The following NKAIN4 variants were observed in gnomAD, a reference collection of about 807,000 sequenced individuals.
The protein encoded by NKAIN4 is sodium/potassium transporting ATPase interacting 4.
NKAIN4 carries 28 observed loss-of-function variants against 28.8 expected under a neutral mutation model. The observed-to-expected ratio is 0.97, with a 90% CI of 0.72 to 1.33. The LOEUF is 1.33. Ranked by LOEUF, NKAIN4 falls within the 40% of genes most tolerant of loss-of-function variation. The pLI is 0.00. For synonymous variants in NKAIN4, 122 were observed against 115.6 expected (o/e 1.06, Z -0.36); for missense variants, 289 against 277.2 (o/e 1.04, Z -0.30).
At chr20:63,249,454 C>T (rs573078618) in intron 2 of NKAIN4, among the ~76,000 whole-genome samples, 3 of 152,174 alleles carry the variant, frequency 2.0e-5, no homozygotes, top group East Asian at 1.9e-4. Context: ...TGGTCTGGAC[C>T]GATGATTTGG....
intron 2 of NKAIN4, chr20:63,249,230 C>A: frequency 2.9e-6 from 1 of 339,310 alleles, no homozygotes; most frequent in Non-Finnish European, 5.7e-6. Context: ...TACACGTGGA[C>A]AGCACAGGCC....
upstream of NKAIN4, chr20:63,254,705 C>A: frequency 3.1e-6 from 1 of 318,954 alleles, no homozygotes; most frequent in Non-Finnish European, 5.7e-6. Flanking sequence ...GATGGCGCGG[C>A]CTCTCGGGTA....
intron 1 of NKAIN4, among the ~76,000 whole-genome samples, chr20:63,251,966 C>T (rs560156733): frequency 1.3e-5 from 2 of 152,238 alleles, no homozygotes; most frequent in South Asian, 2.1e-4. Context: ...TAAGCGAGCC[C>T]CCCAAGGGGA....
chr20:63,241,714 C>T lies in NKAIN4; in HGVS notation c.618-208G>A, dbSNP rs565008148. 187 of 697,674 alleles carry T rather than the reference C, an allele frequency of 2.7e-4. 3 individuals carry two copies. In the South Asian group the frequency reaches 2.7e-3, roughly 10 times the overall value. The allele number at this position is 697,674 out of a possible 1,614,324, so 43.2% of individuals were successfully genotyped here. ...TGTGCCGGCAGGTCAGCGTCTTGTG[C>T]CTGTTTGCTGACATCTCAGTGGGGT... is the stretch of plus-strand genomic sequence containing the variant. On this transcript the variant is annotated intron_variant, in intron 6 of 6. Coordinates refer to ENST00000370316, the MANE Select transcript of NKAIN4 (RefSeq NM_152864.4).
Position 63,245,295 on chromosome 20 carries a change from C to G in NKAIN4, c.472-1211G>C, listed in dbSNP as rs2066835880. On this transcript the variant is annotated intron_variant, in intron 4 of 6. Transcript: ENST00000370316. This position sits in a 1 kb window ranked among gnomAD's most constrained non-coding sequence, Gnocchi z 4.7. ...TTCCATGCCACGGCCAGGGTGGGAG[C>G]AGCGGTGAGGGTGGGCAACCTCCAC... Among the ~76,000 whole-genome samples the G allele has an allele frequency of 6.6e-6, 1 of 152,174 alleles. No homozygotes were observed. The highest frequency in any genetic ancestry group is 2.4e-5 in the African/African-American group (1 of 41,430).
chr20:63,253,134 G>T, intron 1 of NKAIN4: 1 of 882,970 alleles, frequency 1.1e-6, no homozygotes. Context: ...GTCTTCGAGT[G>T]CCCACCCTTG....
chr20:63,253,726 T>G (rs1320444814), intron 1 of NKAIN4, among the ~76,000 whole-genome samples: 2 of 152,082 alleles, frequency 1.3e-5, no homozygotes, highest in East Asian at 3.9e-4. Flanking sequence ...GAATGGAAAC[T>G]TGGCCGAGGG....
chr20:63,253,040 C>T (rs958146616), intron 1 of NKAIN4, among the ~76,000 whole-genome samples: 3 of 152,214 alleles, frequency 2.0e-5, no homozygotes, highest in African/African-American at 2.4e-5. Flanking sequence ...TCATGCATCA[C>T]CAGCTGCCAC....
At chr20:63,250,444 G>T (rs1185622565) in intron 1 of NKAIN4, among the ~76,000 whole-genome samples, 2 of 152,162 alleles carry the variant, frequency 1.3e-5, no homozygotes, top group East Asian at 1.9e-4. Context: ...TCTAAATCAC[G>T]AACTGTGGGG....
Position 63,241,254 on chromosome 20 carries a change from G to GT in NKAIN4, c.*242dup. ...TGGGGTTTTGCCTTTTCTTTTGTAT[G>GT]TTTTCTTTTCTTTTTTTTTTTTAAG... On this transcript the variant is annotated 3_prime_UTR_variant, in exon 7 of 7. Transcript: ENST00000370316. The GT allele has an allele frequency of 1.9e-6, 1 of 538,520 alleles. No homozygotes were observed. The allele number at this position is 538,520 out of a possible 1,614,324, so 33.4% of individuals were successfully genotyped here. A position where few individuals can be genotyped will look rare whatever the true frequency, so the allele number is the denominator to read the frequency against.
chr20:63,246,223 C>T (rs752757369), intron 4 of NKAIN4, among the ~76,000 whole-genome samples: 42 of 152,180 alleles, frequency 2.8e-4, no homozygotes, highest in Non-Finnish European at 4.1e-4. Flanking sequence ...CCACCGCACC[C>T]AGCCTAGCTT....
intron 6 of NKAIN4, chr20:63,241,771 C>T: frequency 3.0e-6 from 2 of 656,610 alleles, no homozygotes; most frequent in Non-Finnish European, 5.7e-6. Context: ...GGAGAGGGGG[C>T]TCACCCAGGG....
rs987782647 is a variant in NKAIN4 at position 63,247,745 on chromosome 20, G to C, written c.304C>G (p.Arg102Gly). ...CGCTCACGCCACCAGGAGCGATGCCGGGAGAGGCTGAAGGTCAGTAGCTCG... is the reference window on the plus strand; with the variant it reads ...CGCTCACGCCACCAGGAGCGATGCCCGGAGAGGCTGAAGGTCAGTAGCTCG... ...DSELLTFSLS[R>G]HRSWWRERWP... Residue 102 changes from arginine to glycine, a missense_variant, in exon 4 of 7, where the codon CGG (arginine) becomes GGG (glycine). Transcript: ENST00000370316. 4 of 1,480,374 alleles carry C rather than the reference G, an allele frequency of 2.7e-6. No individual in the cohort carries two copies. The African/African-American group carries it at 5.6e-5, about 21-fold the overall frequency. 91.7% of individuals were successfully genotyped at this position (1,480,374 alleles called of 1,614,324 possible).
intron 5 of NKAIN4, 136 bp downstream of exon 5, chr20:63,243,888 G>A (rs1462903015): frequency 2.6e-5 from 18 of 696,224 alleles, no homozygotes; most frequent in African/African-American, 7.2e-5. Flanking sequence ...GCCTACGGCC[G>A]TGAGCAAGGC....
At chr20:63,243,802 G>A (rs1371094530) in intron 5 of NKAIN4, 4 of 487,500 alleles carry the variant, frequency 8.2e-6, no homozygotes, top group Non-Finnish European at 1.5e-5. Context: ...TGGACCGGGG[G>A]GCAGCTGACC....
At chr20:63,249,161 C>T (rs8183862) in intron 2 of NKAIN4, 162,541 of 477,412 alleles carry the variant, frequency 0.34, 29,964 homozygotes, top group East Asian at 0.54. Flanking sequence ...GGTCGGCGTA[C>T]GGACACAGCA....
intron 1 of NKAIN4, chr20:63,253,565 C>G: frequency 1.0e-6 from 1 of 968,668 alleles, no homozygotes; most frequent in East Asian, 1.1e-4. Flanking sequence ...CTTTTTAAGA[C>G]GGGAGACCCA....
chr20:63,249,927 G>A lies in NKAIN4; in HGVS notation c.192+8C>T. 6.2e-7 allele frequency: 1 copy of A among 1,611,356 alleles called. No individual in the cohort carries two copies. The highest frequency in any genetic ancestry group is 8.5e-7 in the Non-Finnish European group (1 of 1,178,916). Reference sequence around the variant, plus strand: ...CTGCCCATAAAGAGGGCCGGGCCCAGGACTCACCACCATGACATAGCGCAG... The same window carrying A: ...CTGCCCATAAAGAGGGCCGGGCCCAAGACTCACCACCATGACATAGCGCAG... On this transcript the variant is annotated splice_region_variant and intron_variant, in intron 2 of 6. Coordinates refer to ENST00000370316, the MANE Select transcript of NKAIN4 (RefSeq NM_152864.4).
At chr20:63,253,934 G>C (rs2067006714) in intron 1 of NKAIN4, 1 of 157,922 alleles carries the variant, frequency 6.3e-6, no homozygotes, top group Non-Finnish European at 1.4e-5. Context: ...CACAGCCTCC[G>C]TCATCGCCCC....
Sources: allele counts gnomAD v4.1 joint callset (sites outside exome capture counted in the v4.1 genomes callset), GRCh38; gene constraint gnomAD v4.1.1; non-coding constraint Gnocchi (gnomAD v3.1); transcripts MANE v1.5; gene names NCBI Gene and HGNC (gene_info 2026-07-23, HGNC 2026-07-21).